Variants in PSD3 observed in about 807,000 individuals in gnomAD.
PSD3 encodes pleckstrin and Sec7 domain containing 3.
A neutral mutation model predicts 105.5 loss-of-function variants in PSD3; 49 were observed. The ratio of observed to expected loss-of-function variants is 0.46; its 90% CI spans 0.37 to 0.59. The LOEUF (loss-of-function observed/expected upper bound fraction) is 0.59. Ranked by LOEUF, PSD3 falls within the 20% of genes least tolerant of loss-of-function variation. The pLI is 0.00. For synonymous variants in PSD3, 557 were observed against 457.8 expected, an observed-to-expected ratio of 1.22 and a Z score of -2.77; for missense variants, 1,561 against 1,263.8, an observed-to-expected ratio of 1.24 and a Z score of -3.57.
At chr8:19,000,166 G>C (rs927184372) in intron 1 of PSD3, 2 of 151,526 alleles carry the variant, frequency 1.3e-5, no homozygotes, top group East Asian at 3.9e-4. Flanking sequence ...CAAGGTGAGA[G>C]GATCACTTCA....
At chr8:18,909,003 T>C (rs1483336344) in intron 2 of PSD3, among the ~76,000 whole-genome samples, 1 of 152,226 alleles carries the variant, frequency 6.6e-6, no homozygotes, top group Non-Finnish European at 1.5e-5. Flanking sequence ...GGTCTCAGTC[T>C]ACTTTAATTC....
At chr8:18,695,569 C>A (rs1214194212) in intron 9 of PSD3, among the ~76,000 whole-genome samples, 3 of 152,114 alleles carry the variant, frequency 2.0e-5, no homozygotes, top group African/African-American at 7.2e-5. Context: ...ATAATATTTA[C>A]ACAAGATATT....
chr8:18,687,668 CGT>C (rs912318692), intron 9 of PSD3, among the ~76,000 whole-genome samples: 3 of 152,022 alleles, frequency 2.0e-5, no homozygotes, highest in Non-Finnish European at 4.4e-5. Flanking sequence ...AAGCCATCCA[CGT>C]GTGTGTGTCC....
At chr8:18,697,280 G>C (rs1801314818) in intron 9 of PSD3, among the ~76,000 whole-genome samples, 1 of 152,108 alleles carries the variant, frequency 6.6e-6, no homozygotes, top group Non-Finnish European at 1.5e-5. Flanking sequence ...CACAGGCAAG[G>C]GGGAGAGGGT....
At chr8:18,681,470 A>T (rs1159669281) in intron 9 of PSD3, among the ~76,000 whole-genome samples, 3 of 147,190 alleles carry the variant, frequency 2.0e-5, no homozygotes, top group Non-Finnish European at 3.0e-5. Flanking sequence ...AAAAAAAAAG[A>T]AGAGGAGGAA....
intron 8 of PSD3, among the ~76,000 whole-genome samples, chr8:18,786,009 C>T (rs1055225250): frequency 6.6e-6 from 1 of 152,134 alleles, no homozygotes; most frequent in Non-Finnish European, 1.5e-5. Context: ...TCAGTGACTG[C>T]AAAGTGTAAT....
chr8:18,646,724 T>C (rs1052762592), intron 10 of PSD3, among the ~76,000 whole-genome samples: 1 of 152,140 alleles, frequency 6.6e-6, no homozygotes, highest in Non-Finnish European at 1.5e-5. Flanking sequence ...CTTATGAGAT[T>C]ACCAACTCTC....
chr8:18,984,917 C>T (rs1825426208), intron 1 of PSD3, among the ~76,000 whole-genome samples: 1 of 152,110 alleles, frequency 6.6e-6, no homozygotes, highest in Admixed American at 6.5e-5. Context: ...CTAACCCTGA[C>T]CCATCACGCT....
At chr8:18,935,919 G>C in intron 2 of PSD3, 115 bp downstream of exon 2, 1 of 618,028 alleles carries the variant, frequency 1.6e-6, no homozygotes, top group Admixed American at 2.5e-5. Context: ...TGAATAATTA[G>C]GGAAAGCAGG....
At chr8:18,940,607 A>G (rs553907748) in intron 1 of PSD3, among the ~76,000 whole-genome samples, 16 of 152,340 alleles carry the variant, frequency 1.1e-4, no homozygotes, top group South Asian at 8.3e-4. Context: ...AAGTAACTCT[A>G]TCTTGGAAAC....
At chr8:18,667,541 T>C (rs1419025864) in intron 9 of PSD3, among the ~76,000 whole-genome samples, 2 of 152,222 alleles carry the variant, frequency 1.3e-5, no homozygotes, top group Non-Finnish European at 2.9e-5. Flanking sequence ...GGGTGCTGAT[T>C]GGCGTGTTTA....
intron 9 of PSD3, among the ~76,000 whole-genome samples, chr8:18,701,205 A>G (rs978056222): frequency 3.3e-5 from 5 of 151,354 alleles, no homozygotes; most frequent in Non-Finnish European, 7.4e-5. Flanking sequence ...CCTGGGCCCA[A>G]GTGATCTTCC....
chr8:18,567,082 C>CT (rs1563329371), intron 14 of PSD3, among the ~76,000 whole-genome samples: 1 of 152,172 alleles, frequency 6.6e-6, no homozygotes, highest in East Asian at 1.9e-4. Context: ...AGGAAACACT[C>CT]ATATGTTGCT....
intron 9 of PSD3, among the ~76,000 whole-genome samples, chr8:18,741,299 T>G (rs560993114): frequency 6.6e-6 from 1 of 152,162 alleles, no homozygotes; most frequent in African/African-American, 2.4e-5. Context: ...GAAAGTGGAC[T>G]CTGAAAGCCT....
At chr8:18,540,666 C>T (rs537278865) in intron 15 of PSD3, among the ~76,000 whole-genome samples, 16 of 152,288 alleles carry the variant, frequency 1.1e-4, no homozygotes, top group African/African-American at 3.4e-4. Flanking sequence ...CTCCCACAGT[C>T]GCCTGACTGC....
chr8:19,038,518 G>T (rs1252451448), intron 1 of PSD3, among the ~76,000 whole-genome samples: 1 of 152,166 alleles, frequency 6.6e-6, no homozygotes, highest in East Asian at 1.9e-4. Context: ...CCAGACTGCA[G>T]TGCAGTAGTG....
chr8:18,589,625 A>T (rs1207285020), intron 12 of PSD3, among the ~76,000 whole-genome samples: 1 of 152,260 alleles, frequency 6.6e-6, no homozygotes, highest in Non-Finnish European at 1.5e-5. Flanking sequence ...CTCTGGTAAT[A>T]TGTAAAATGT....
intron 1 of PSD3, among the ~76,000 whole-genome samples, chr8:18,986,605 G>C (rs1316117640): frequency 6.7e-6 from 1 of 150,304 alleles, no homozygotes; most frequent in Admixed American, 6.6e-5. Flanking sequence ...AATCTCACAA[G>C]CATTTTATTA....
chr8:18,695,644 A>G (rs1801216282), intron 9 of PSD3, among the ~76,000 whole-genome samples: 1 of 152,228 alleles, frequency 6.6e-6, no homozygotes, highest in Non-Finnish European at 1.5e-5. Flanking sequence ...AACCATCACC[A>G]TTAAACTTCT....
Sources: allele counts gnomAD v4.1 joint callset (sites outside exome capture counted in the v4.1 genomes callset), GRCh38; gene constraint gnomAD v4.1.1; transcripts MANE v1.5; gene names NCBI Gene and HGNC (gene_info 2026-07-23, HGNC 2026-07-21).